Variants in PKN2 observed in about 807,000 individuals in gnomAD.
PKN2 encodes serine/threonine-protein kinase N2.
PKN2 carries 38 observed loss-of-function variants against 119.1 expected under a neutral mutation model. That is an observed-to-expected ratio of 0.32 (90% CI 0.25 to 0.42). PKN2 has a LOEUF of 0.42. PKN2 is among the 10% of genes least tolerant of loss of function. The pLI is 1.00. For missense variants in PKN2, 850 were observed against 1,165.1 expected, an observed-to-expected ratio of 0.73 and a Z score of 3.94; for synonymous variants, 390 against 384.9, an observed-to-expected ratio of 1.01 and a Z score of -0.15.
At chr1:88,815,973 A>G (rs984870058) in intron 16 of PKN2, among the ~76,000 whole-genome samples, 1 of 151,752 alleles carries the variant, frequency 6.6e-6, no homozygotes, top group Non-Finnish European at 1.5e-5. Flanking sequence ...AACCCTGTCT[A>G]TACTAAAAAT....
intron 1 of PKN2, among the ~76,000 whole-genome samples, chr1:88,698,182 C>G (rs1341551244): frequency 6.6e-6 from 1 of 152,104 alleles, no homozygotes; most frequent in African/African-American, 2.4e-5. Context: ...TCTTGTCTCT[C>G]AGTTTTATTT....
At chr1:88,815,444 T>C (rs1671946537) in intron 16 of PKN2, 2 of 353,436 alleles carry the variant, frequency 5.7e-6, no homozygotes, top group Non-Finnish European at 1.1e-5. Flanking sequence ...CTTTTTCATA[T>C]CATTTTATTT....
intron 2 of PKN2, among the ~76,000 whole-genome samples, chr1:88,746,119 T>A (rs1043333713): frequency 1.3e-5 from 2 of 152,176 alleles, no homozygotes; most frequent in Non-Finnish European, 2.9e-5. Context: ...CCTTATACCT[T>A]TATCTTACCT....
chr1:88,694,597 G>A (rs1234861621), intron 1 of PKN2, among the ~76,000 whole-genome samples: 2 of 152,116 alleles, frequency 1.3e-5, no homozygotes, highest in South Asian at 2.1e-4. Context: ...GTTTTTGTGT[G>A]GATGCAACTT....
At chr1:88,784,552 CT>C in intron 6 of PKN2, 86 bp from the exon 7 acceptor site, 1 of 753,006 alleles carries the variant, frequency 1.3e-6, no homozygotes, top group Non-Finnish European at 1.9e-6. Flanking sequence ...TTTTTTTTTT[CT>C]TTTTTTGAAT....
At chr1:88,721,268 A>G (rs1353014257) in intron 1 of PKN2, among the ~76,000 whole-genome samples, 1 of 152,128 alleles carries the variant, frequency 6.6e-6, no homozygotes, top group East Asian at 1.9e-4. Flanking sequence ...CCTTTTCACC[A>G]TATCCATACC....
intron 19 of PKN2, chr1:88,829,069 TG>T: frequency 1.5e-6 from 1 of 669,424 alleles, no homozygotes; most frequent in Non-Finnish European, 2.8e-6. Context: ...CTGAAGTTCC[TG>T]GGGAAGCAAA....
intron 16 of PKN2, among the ~76,000 whole-genome samples, chr1:88,820,611 C>T (rs59556728): frequency 0.067 from 10,121 of 151,690 alleles, 688 homozygotes; most frequent in African/African-American, 0.18. Flanking sequence ...TAAAACATAG[C>T]TATATTATCT....
intron 2 of PKN2, among the ~76,000 whole-genome samples, chr1:88,750,406 A>G (rs1286414026): frequency 1.3e-5 from 2 of 152,184 alleles, no homozygotes; most frequent in Non-Finnish European, 2.9e-5. Flanking sequence ...TTGTGGTTTT[A>G]GAGAAAATAC....
At chr1:88,748,135 T>TA (rs1482020089) in intron 2 of PKN2, among the ~76,000 whole-genome samples, 1 of 152,170 alleles carries the variant, frequency 6.6e-6, no homozygotes, top group African/African-American at 2.4e-5. Context: ...TGTATATATA[T>TA]TTTTAGTATA....
chr1:88,710,294 T>C (rs1043712149), intron 1 of PKN2, among the ~76,000 whole-genome samples: 8 of 152,160 alleles, frequency 5.3e-5, no homozygotes, highest in African/African-American at 1.9e-4. Flanking sequence ...GAGTTATGAT[T>C]AAGATCTGTT....
chr1:88,823,960 G>C (rs1318949551), intron 17 of PKN2, among the ~76,000 whole-genome samples: 2 of 137,512 alleles, frequency 1.5e-5, no homozygotes, highest in Non-Finnish European at 3.0e-5. Flanking sequence ...AGTGAGCTGA[G>C]ACCACGCCAT....
intron 1 of PKN2, among the ~76,000 whole-genome samples, chr1:88,705,461 G>A (rs1427533961): frequency 6.6e-6 from 1 of 151,968 alleles, no homozygotes; most frequent in African/African-American, 2.4e-5. Flanking sequence ...CTGGGAGGCC[G>A]AGGCAGGCAG....
intron 3 of PKN2, 29 bp downstream of exon 3, chr1:88,760,405 TAGTC>T (rs777478188): frequency 3.2e-6 from 4 of 1,239,510 alleles, no homozygotes; most frequent in East Asian, 2.5e-5. Flanking sequence ...TGTAACTATA[TAGTC>T]AGTCATTATT....
chr1:88,828,963 C>T (rs1193495897), intron 19 of PKN2: 2 of 636,406 alleles, frequency 3.1e-6, no homozygotes, highest in East Asian at 6.6e-5. Flanking sequence ...AAAGAAAAGC[C>T]CACTATAGAT....
chr1:88,745,696 A>G (rs1490829951), intron 2 of PKN2, among the ~76,000 whole-genome samples: 1 of 152,176 alleles, frequency 6.6e-6, no homozygotes, highest in South Asian at 2.1e-4. Flanking sequence ...GGTAATTCGT[A>G]TCAAAATCCC....
intron 1 of PKN2, among the ~76,000 whole-genome samples, chr1:88,714,222 T>A (rs1667354611): frequency 6.6e-6 from 1 of 152,212 alleles, no homozygotes; most frequent in Non-Finnish European, 1.5e-5. Context: ...GCATGATGCC[T>A]CCAGCTTTGT....
chr1:88,801,824 A>G (rs886774663), intron 8 of PKN2, among the ~76,000 whole-genome samples: 1 of 152,226 alleles, frequency 6.6e-6, no homozygotes, highest in Non-Finnish European at 1.5e-5. Context: ...AAAAGCAGAC[A>G]TATATATCCC....
At chr1:88,722,337 A>G (rs907832771) in intron 1 of PKN2, among the ~76,000 whole-genome samples, 2 of 152,330 alleles carry the variant, frequency 1.3e-5, no homozygotes, top group Non-Finnish European at 2.9e-5. Flanking sequence ...AGCCCTTTCC[A>G]TATTATAAAC....
Sources: allele counts gnomAD v4.1 joint callset (sites outside exome capture counted in the v4.1 genomes callset), GRCh38; gene constraint gnomAD v4.1.1; transcripts MANE v1.5; gene names NCBI Gene and HGNC (gene_info 2026-07-23, HGNC 2026-07-21).